STPG2: variants seen among roughly 807,000 people sequenced by gnomAD.
The protein encoded by STPG2 is sperm-tail PG-rich repeat-containing protein 2.
A neutral mutation model predicts 54.2 loss-of-function variants in STPG2; 56 were observed. That is an observed-to-expected ratio of 1.03 (90% CI 0.83 to 1.29). STPG2 has a LOEUF of 1.29. STPG2 is among the 50% of genes most tolerant of loss of function. STPG2 has a pLI of 0.00. For missense variants in STPG2, 596 were observed against 544.9 expected (o/e 1.09, Z -0.93); for synonymous variants, 200 against 181.8 (o/e 1.10, Z -0.81).
At chr4:97,536,809 C>A (rs1299092180) in intron 4 of STPG2, among the ~76,000 whole-genome samples, 2 of 152,180 alleles carry the variant, frequency 1.3e-5, no homozygotes. Context: ...TCATGGAACT[C>A]ATACATCTTA....
Position 97,467,623 on chromosome 4 carries a change from T to C in STPG2, c.462+245076A>G, listed in dbSNP as rs141487294. Reference sequence around the variant, plus strand: ...AAAAGAAACCAGTCTGTTAACTGACTATACTCAAAATGGAAATGGAGAAAA... The same window carrying C: ...AAAAGAAACCAGTCTGTTAACTGACCATACTCAAAATGGAAATGGAGAAAA... On this transcript the variant is annotated intron_variant, in intron 4 of 4. Coordinates refer to the STPG2 transcript ENST00000522676. 4.2e-3 allele frequency among the ~76,000 whole-genome samples: 638 copies of C among 152,090 alleles called. 3 individuals are homozygous for C. The highest frequency in any genetic ancestry group is 0.02 in the South Asian group (98 of 4,830).
intron 10 of STPG2, among the ~76,000 whole-genome samples, chr4:97,645,617 G>A (rs1721892332): frequency 6.6e-6 from 1 of 152,022 alleles, no homozygotes; most frequent in African/African-American, 2.4e-5. Context: ...GATCATGGGG[G>A]GTTGGCAACC....
chr4:97,783,971 G>A (rs761060089), intron 9 of STPG2, among the ~76,000 whole-genome samples: 7 of 151,494 alleles, frequency 4.6e-5, no homozygotes, highest in Non-Finnish European at 1.0e-4. Context: ...TAATGTAAAT[G>A]ACGAGTTAAT....
intron 9 of STPG2, among the ~76,000 whole-genome samples, chr4:97,832,816 C>A (rs1296839764): frequency 6.6e-6 from 1 of 152,022 alleles, no homozygotes; most frequent in Non-Finnish European, 1.5e-5. Context: ...ATGTGAAGGA[C>A]TTCTTCAAGG....
chr4:97,816,551 T>C (rs1035537134), intron 9 of STPG2, among the ~76,000 whole-genome samples: 2 of 152,132 alleles, frequency 1.3e-5, no homozygotes, highest in Non-Finnish European at 2.9e-5. Context: ...TTTCTGGATA[T>C]GTCTGTGAGA....
chr4:98,082,788 C>G (rs979211412), intron 5 of STPG2, among the ~76,000 whole-genome samples: 5 of 151,874 alleles, frequency 3.3e-5, no homozygotes, highest in Admixed American at 6.6e-5. Flanking sequence ...TCCTAAATAA[C>G]AAATCTAATC....
chr4:97,869,637 C>G (rs928614857), intron 8 of STPG2, among the ~76,000 whole-genome samples: 1 of 151,550 alleles, frequency 6.6e-6, no homozygotes, highest in African/African-American at 2.4e-5. Flanking sequence ...TATAAGTCTA[C>G]TCAGCAGCCA....
At chr4:97,770,330 T>A (rs1423817262) in intron 9 of STPG2, among the ~76,000 whole-genome samples, 1 of 152,186 alleles carries the variant, frequency 6.6e-6, no homozygotes, top group Non-Finnish European at 1.5e-5. Flanking sequence ...TAAGCTGAGA[T>A]CTGAACAGAG....
chr4:98,140,651 A>T (rs940397375), intron 1 of STPG2, among the ~76,000 whole-genome samples: 1 of 152,072 alleles, frequency 6.6e-6, no homozygotes, highest in Non-Finnish European at 1.5e-5. Flanking sequence ...GGGAATTTTT[A>T]AAAAGGGACC....
chr4:97,943,852 T>A (rs1352254134), intron 8 of STPG2, 45 bp downstream of exon 8: 1 of 1,402,126 alleles, frequency 7.1e-7, no homozygotes, highest in Non-Finnish European at 9.6e-7. Flanking sequence ...GCCTCCTCCA[T>A]GATTTCTAGA....
intron 4 of STPG2, among the ~76,000 whole-genome samples, chr4:97,514,280 A>T (rs1731031731): frequency 6.6e-6 from 1 of 152,128 alleles, no homozygotes; most frequent in African/African-American, 2.4e-5. Flanking sequence ...TGGAGAGATT[A>T]CAGAAATAAG....
At chr4:97,887,923 C>T (rs1189344236) in intron 8 of STPG2, among the ~76,000 whole-genome samples, 1 of 152,190 alleles carries the variant, frequency 6.6e-6, no homozygotes, top group Non-Finnish European at 1.5e-5. Context: ...CCACTCCAGC[C>T]TCAGTCATGG....
chr4:98,021,781 T>G (rs1736208839), intron 5 of STPG2, among the ~76,000 whole-genome samples: 1 of 151,476 alleles, frequency 6.6e-6, no homozygotes. Context: ...ATGGCCTTCT[T>G]TGTCTCTTTT....
At chr4:97,490,085 C>G (rs567621366) in intron 4 of STPG2, 9 of 151,312 alleles carry the variant, frequency 5.9e-5, no homozygotes, top group Admixed American at 4.0e-4. Flanking sequence ...GAATAGATTT[C>G]AATGGCAGCT....
At chr4:98,006,961 A>C (rs1158537539) in intron 5 of STPG2, among the ~76,000 whole-genome samples, 1 of 152,050 alleles carries the variant, frequency 6.6e-6, no homozygotes, top group South Asian at 2.1e-4. Context: ...GCTTATCTCC[A>C]GGCATCTGGC....
chr4:97,716,068 T>C lies in STPG2; in HGVS notation c.1205-3254A>G, dbSNP rs1327588341. The stretch of plus-strand genomic sequence containing the variant: ...CACTTCTCAAAAGAAGACATTTATG[T>C]GGCCAACAAACATATGAAAAAAAGC... On this transcript the variant is annotated intron_variant, in intron 9 of 10. Coordinates refer to ENST00000295268, the MANE Select transcript of STPG2 (RefSeq NM_174952.3). 3.3e-5 allele frequency among the ~76,000 whole-genome samples: 5 copies of C among 152,192 alleles called. No individual in the cohort carries two copies. The South Asian group carries it at 6.2e-4, about 19-fold the overall frequency.
At chr4:98,026,153 G>A in intron 5 of STPG2, 2 of 1,471,338 alleles carry the variant, frequency 1.4e-6, no homozygotes, top group South Asian at 2.4e-5. Flanking sequence ...GCCCAAGAAA[G>A]AAGTTAAAAA....
At chr4:97,458,023 G>A (rs879516028) in intron 4 of STPG2, among the ~76,000 whole-genome samples, 8 of 152,134 alleles carry the variant, frequency 5.3e-5, no homozygotes, top group African/African-American at 1.2e-4. Flanking sequence ...AATTAACAAC[G>A]TACTTTCTCT....
Position 97,559,238 on chromosome 4 carries a change from T to A in STPG2, c.1321-121A>T, listed in dbSNP as rs1047007839. 140 of 649,084 alleles carry A rather than the reference T, an allele frequency of 2.2e-4. 1 individual carries two copies. Among genetic ancestry groups the A allele is most frequent in the Non-Finnish European group, 3.0e-4 (116 of 380,414 alleles). The allele number at this position is 649,084 out of a possible 1,614,324, so 40.2% of individuals were successfully genotyped here. ...CTTACAAAATTAGAAGTTAAATATA[T>A]AAAATGATATAATCTACTTACATCG... is the stretch of plus-strand genomic sequence containing the variant. On this transcript the variant is annotated intron_variant, in intron 10 of 10. Coordinates refer to ENST00000295268, the MANE Select transcript of STPG2 (RefSeq NM_174952.3).
Sources: allele counts gnomAD v4.1 joint callset (sites outside exome capture counted in the v4.1 genomes callset), GRCh38; gene constraint gnomAD v4.1.1; transcripts MANE v1.5; gene names NCBI Gene and HGNC (gene_info 2026-07-23, HGNC 2026-07-21).